Variants in SPSB4 observed in about 807,000 individuals in gnomAD.
SPSB4 encodes the protein splA/ryanodine receptor domain and SOCS box containing 4.
SPSB4 carries 21 observed loss-of-function variants against 20.9 expected under a neutral mutation model. The observed-to-expected ratio is 1.01, with a 90% CI of 0.71 to 1.45. The LOEUF (loss-of-function observed/expected upper bound fraction) is 1.45, where lower values mean the gene tolerates loss of function less well. SPSB4 is among the 40% of genes most tolerant of loss of function. The pLI is 0.00. For synonymous variants in SPSB4, 207 were observed against 183.8 expected (o/e 1.13, Z -1.02); for missense variants, 399 against 399.2 (o/e 1.00, Z 0.00).
At chr3:141,056,457 GC>G (rs1321480519) in intron 1 of SPSB4, among the ~76,000 whole-genome samples, 3 of 152,092 alleles carry the variant, frequency 2.0e-5, no homozygotes, top group Non-Finnish European at 2.9e-5. Context: ...TCTCAAAAAT[GC>G]CCCCAGAGAT....
intron 2 of SPSB4, among the ~76,000 whole-genome samples, chr3:141,096,600 C>T (rs1046392460): frequency 6.6e-6 from 1 of 152,190 alleles, no homozygotes; most frequent in Non-Finnish European, 1.5e-5. Context: ...TTTCTAATTC[C>T]ATACTCTTTG....
chr3:141,065,997 C>T lies in SPSB4; in HGVS notation c.-108C>T. The T allele has an allele frequency of 9.5e-7, 1 of 1,051,092 alleles. No individual in the cohort carries two copies. Among genetic ancestry groups the T allele is most frequent in the Admixed American group, 3.5e-5 (1 of 28,298 alleles). 65.1% of individuals were successfully genotyped at this position (1,051,092 alleles called of 1,614,324 possible). On this transcript the variant is annotated 5_prime_UTR_variant, in exon 2 of 3. Coordinates refer to ENST00000310546, the MANE Select transcript of SPSB4 (RefSeq NM_080862.3). ...GCCCGGTAGAGGCTGTGGAGGTCTA[C>T]CGTCCGGAAGCCTGGTTCCCAGCCC...
intron 2 of SPSB4, among the ~76,000 whole-genome samples, chr3:141,128,470 G>A (rs1353982875): frequency 6.6e-6 from 1 of 152,116 alleles, no homozygotes; most frequent in African/African-American, 2.4e-5. Flanking sequence ...ACAGGAAGGG[G>A]GATTTCTCAC....
chr3:141,090,510 C>T (rs1188641187), intron 2 of SPSB4, among the ~76,000 whole-genome samples: 1 of 152,018 alleles, frequency 6.6e-6, no homozygotes, highest in Non-Finnish European at 1.5e-5. Context: ...GCAAAAAAAA[C>T]TTGAAAGAGG....
chr3:141,108,159 C>T (rs1159771532), intron 2 of SPSB4, among the ~76,000 whole-genome samples: 3 of 151,912 alleles, frequency 2.0e-5, no homozygotes, highest in African/African-American at 7.3e-5. Context: ...GTTAAATCAC[C>T]GAGCTCAGGA....
intron 1 of SPSB4, among the ~76,000 whole-genome samples, chr3:141,056,038 T>C (rs1346715032): frequency 6.6e-6 from 1 of 152,044 alleles, no homozygotes; most frequent in South Asian, 2.1e-4. Context: ...GAAACTGAAG[T>C]TGAAGCAATG....
At chr3:141,054,252 G>T (rs552339097) in intron 1 of SPSB4, among the ~76,000 whole-genome samples, 1 of 152,304 alleles carries the variant, frequency 6.6e-6, no homozygotes, top group African/African-American at 2.4e-5. Context: ...TGTTGATACA[G>T]GAGTGAAGGG....
chr3:141,097,909 G>T (rs1377938642), intron 2 of SPSB4, among the ~76,000 whole-genome samples: 1 of 152,144 alleles, frequency 6.6e-6, no homozygotes. Flanking sequence ...GGAGTTCCTA[G>T]TCTGAGCAGT....
At position 141,093,864 on chromosome 3, in the gene SPSB4, T is replaced by C. The variant is rs933122367; in HGVS notation, c.694+27066T>C. On this transcript the variant is annotated intron_variant, in intron 2 of 2. Transcript: ENST00000310546. ...CCTTGCTGAACTCCAGCCTGAGCCA[T>C]GCCTTGGCCCCCTCTTCTAATACCA... 2.6e-5 allele frequency among the ~76,000 whole-genome samples: 4 copies of C among 152,298 alleles called. No homozygotes were observed. In the South Asian group the frequency reaches 6.2e-4, roughly 24 times the overall value.
Position 141,147,526 on chromosome 3 carries a change from C to A in SPSB4, c.*257C>A, listed in dbSNP as rs1270937041. On this transcript the variant is annotated 3_prime_UTR_variant, in exon 3 of 3. Transcript: ENST00000310546. ...AGCCACAGAGAGCCTGGAGTCTGCACCTCCTGGAAATCCTGCCACCAACCA... is the reference window on the plus strand; with the variant it reads ...AGCCACAGAGAGCCTGGAGTCTGCAACTCCTGGAAATCCTGCCACCAACCA... 2 of 482,384 alleles carry A rather than the reference C, an allele frequency of 4.1e-6. No individual in the cohort carries two copies. Among genetic ancestry groups the A allele is most frequent in the African/African-American group, 3.8e-5 (2 of 52,156 alleles). The allele number at this position is 482,384 out of a possible 1,614,324, so 29.9% of individuals were successfully genotyped here. A position where few individuals can be genotyped will look rare whatever the true frequency, so the allele number is the denominator to read the frequency against.
At position 141,066,636 on chromosome 3, in the gene SPSB4, C is replaced by T; in HGVS notation, c.532C>T (p.Leu178Phe). Residue 178 changes from leucine (L) to phenylalanine (F), a missense_variant, in exon 2 of 3, where the codon CTC (leucine) becomes TTC (phenylalanine). Transcript: ENST00000310546. The stretch of plus-strand genomic sequence containing the variant: ...GGCCTTTGCGCTGCCCGACTCGCTG[C>T]TCGTGGTGCTGGACATGGATGAGGG... ...DEAFALPDSL[L>F]VVLDMDEGTL... 1 of 1,611,014 alleles carries T rather than the reference C, an allele frequency of 6.2e-7. No individual in the cohort carries two copies. Among genetic ancestry groups the T allele is most frequent in the Non-Finnish European group, 8.5e-7 (1 of 1,178,628 alleles).
In SPSB4 at chr3:141,052,703, G is replaced by T. The variant is rs535101784; in HGVS notation, c.-154+711G>T. 1.1e-3 allele frequency among the ~76,000 whole-genome samples: 169 copies of T among 152,302 alleles called. 1 individual carries two copies. Among genetic ancestry groups the T allele is most frequent in the South Asian group, 4.4e-3 (21 of 4,822 alleles). ...GAGAGCGACTCAGGGACCAGTCCTG[G>T]CCTTGCTTGAATACAAACTTGTCTA... On this transcript the variant is annotated intron_variant, in intron 1 of 2. Transcript: ENST00000310546.
intron 2 of SPSB4, among the ~76,000 whole-genome samples, chr3:141,069,450 G>A (rs1179740337): frequency 2.6e-5 from 4 of 152,208 alleles, no homozygotes; most frequent in African/African-American, 9.7e-5. Flanking sequence ...GCATGGAAAG[G>A]ATTCTGAGTT....
At chr3:141,103,827 G>T (rs941023052) in intron 2 of SPSB4, among the ~76,000 whole-genome samples, 3 of 151,150 alleles carry the variant, frequency 2.0e-5, no homozygotes, top group African/African-American at 4.9e-5. Flanking sequence ...TACCAAAAAT[G>T]ACCTTTTTTT....
chr3:141,115,177 G>A (rs1180583130), intron 2 of SPSB4: 1 of 152,226 alleles, frequency 6.6e-6, no homozygotes, highest in African/African-American at 2.4e-5. Flanking sequence ...CATAGCTAGA[G>A]TTGGTTGAGG....
In SPSB4 at chr3:141,066,122, G is replaced by C. The variant is rs199569122; in HGVS notation, c.18G>C (p.Ser6=). Residue 6 remains serine, a synonymous_variant, in exon 2 of 3, where the codon TCG becomes TCC. Coordinates refer to ENST00000310546, the MANE Select transcript of SPSB4 (RefSeq NM_080862.3). ...AGTGAAGCATGGGCCAGAAGCTCTC[G>C]GGGAGCCTCAAGTCAGTGGAGGTGC... MGQKL[S]GSLKSVEVRE... The C allele has an allele frequency of 1.7e-3, 2,594 of 1,529,826 alleles. 45 individuals are homozygous for C. In the East Asian group the frequency reaches 0.026, roughly 16 times the overall value. 94.8% of individuals were successfully genotyped at this position (1,529,826 alleles called of 1,614,324 possible). A position where few individuals can be genotyped will look rare whatever the true frequency, so the allele number is the denominator to read the frequency against.
chr3:141,070,594 G>T (rs966911630), intron 2 of SPSB4, among the ~76,000 whole-genome samples: 3 of 152,152 alleles, frequency 2.0e-5, no homozygotes, highest in African/African-American at 7.2e-5. Flanking sequence ...ACCCAGGCTG[G>T]TCTTGAATTC....
At chr3:141,057,528 C>G (rs1937670853) in intron 1 of SPSB4, among the ~76,000 whole-genome samples, 1 of 152,182 alleles carries the variant, frequency 6.6e-6, no homozygotes, top group Non-Finnish European at 1.5e-5. Flanking sequence ...AGACGTTCAC[C>G]CACCACTTTC....
In SPSB4 at chr3:141,143,644, T is replaced by C. The variant is rs1315240134; in HGVS notation, c.695-3498T>C. ...ATGGACAGACTTGGGACCCACTTGC[T>C]AGCCAGGATTTGGCATGCAGTGGAA... On this transcript the variant is annotated intron_variant, in intron 2 of 2. Transcript: ENST00000310546. Among the ~76,000 whole-genome samples, 4 of 152,334 alleles carry C rather than the reference T, an allele frequency of 2.6e-5. No individual in the cohort carries two copies. The East Asian group carries it at 7.7e-4, about 29-fold the overall frequency.
Sources: gnomAD v4.1 joint callset for allele counts (sites outside exome capture counted in the v4.1 genomes callset) on GRCh38, gnomAD v4.1.1 for gene constraint, MANE v1.5 for transcripts, NCBI Gene and HGNC (gene_info 2026-07-23, HGNC 2026-07-21) for gene names.